The following ATP8B1 variants were observed in gnomAD, a reference collection of about 807,000 sequenced individuals.
The protein encoded by ATP8B1 is ATPase phospholipid transporting 8B1, also known as phospholipid-transporting ATPase IC.
In ATP8B1, 80 loss-of-function variants were observed where a neutral mutation model predicts 149.9. The observed-to-expected ratio is 0.53, with a 90% CI of 0.45 to 0.64. ATP8B1 has a LOEUF of 0.64. Among genes scored for constraint, ATP8B1 ranks in the 30% least tolerant of loss-of-function variants. The pLI is 0.00. For synonymous variants in ATP8B1, 536 were observed against 562.8 expected, an observed-to-expected ratio of 0.95 and a Z score of 0.67; for missense variants, 1,247 against 1,552.6, an observed-to-expected ratio of 0.80 and a Z score of 3.31.
intron 15 of ATP8B1, among the ~76,000 whole-genome samples, chr18:57,678,587 A>C (rs1599106472): frequency 1.4e-5 from 1 of 71,634 alleles, no homozygotes. Context: ...ATTCTATCTC[A>C]AAAAAAAAAA....
At chr18:57,665,468 C>A (rs1052963567) in intron 20 of ATP8B1, among the ~76,000 whole-genome samples, 7 of 152,010 alleles carry the variant, frequency 4.6e-5, no homozygotes, top group Non-Finnish European at 8.8e-5. Flanking sequence ...AAAAAATAAA[C>A]AAAGCCATAT....
At chr18:57,772,234 TGTGA>T (rs2080269790) in intron 1 of ATP8B1, among the ~76,000 whole-genome samples, 1 of 152,124 alleles carries the variant, frequency 6.6e-6, no homozygotes, top group South Asian at 2.1e-4. Context: ...TGACATTCAC[TGTGA>T]GTATTGCTAG....
intron 1 of ATP8B1, among the ~76,000 whole-genome samples, chr18:57,769,747 T>C (rs571447321): frequency 6.6e-6 from 1 of 152,236 alleles, no homozygotes; most frequent in African/African-American, 2.4e-5. Context: ...GCATCCCAAA[T>C]GCACAGCAAA....
At position 57,662,960 on chromosome 18, in the gene ATP8B1, C is replaced by T. The variant is rs182692535; in HGVS notation, c.2286-345G>A. On this transcript the variant is annotated intron_variant, in intron 20 of 27. Coordinates refer to ENST00000648908, the MANE Select transcript of ATP8B1 (RefSeq NM_001374385.1). The stretch of plus-strand genomic sequence containing the variant: ...GTAGCAATAGGGTTTTGCCATATCC[C>T]GGGCTTTGACCATTTTTAAGTGTAC... Among the ~76,000 whole-genome samples the T allele has an allele frequency of 4.5e-4, 69 of 152,126 alleles. 1 individual carries two copies. Among genetic ancestry groups the T allele is most frequent in the South Asian group, 4.2e-4 (2 of 4,810 alleles).
At chr18:57,652,339 C>T in intron 25 of ATP8B1, 145 bp downstream of exon 25, 1 of 1,454,302 alleles carries the variant, frequency 6.9e-7, no homozygotes, top group Non-Finnish European at 9.5e-7. Flanking sequence ...AGAAAATGTG[C>T]TTGGTATAAG....
Position 57,757,611 on chromosome 18 carries a change from C to T in ATP8B1, c.-25-25779G>A, listed in dbSNP as rs2080097267. On this transcript the variant is annotated intron_variant, in intron 1 of 27. Transcript: ENST00000648908. ...CAGTTCATACCTATTCTTCTGATTC[C>T]AATTGATTCCCACAATGTTCTTTTC... is the stretch of plus-strand genomic sequence containing the variant. Among the ~76,000 whole-genome samples the T allele has an allele frequency of 5.3e-5, 8 of 152,278 alleles. No homozygotes were observed. In the South Asian group the frequency reaches 1.7e-3, roughly 32 times the overall value.
chr18:57,764,757 CAAAAAAAAAAA>C (rs71171091), intron 1 of ATP8B1, among the ~76,000 whole-genome samples: 2 of 104,174 alleles, frequency 1.9e-5, no homozygotes, highest in Admixed American at 1.1e-4. Flanking sequence ...TTTCAGTTGT[CAAAAAAAAAAA>C]AAAAAAAAAA....
chr18:57,801,523 C>CA (rs1429958088), intron 1 of ATP8B1, among the ~76,000 whole-genome samples: 1 of 152,208 alleles, frequency 6.6e-6, no homozygotes, highest in Non-Finnish European at 1.5e-5. Context: ...AGGTCTAACA[C>CA]AAAAGTATTC....
At chr18:57,707,648 A>G (rs772423967) in intron 2 of ATP8B1, among the ~76,000 whole-genome samples, 3 of 151,448 alleles carry the variant, frequency 2.0e-5, no homozygotes, top group Non-Finnish European at 2.9e-5. Context: ...AGCTGGGATT[A>G]CAGGTGCCTG....
intron 1 of ATP8B1, among the ~76,000 whole-genome samples, chr18:57,751,865 C>T (rs2080023543): frequency 6.6e-6 from 1 of 152,034 alleles, no homozygotes; most frequent in African/African-American, 2.4e-5. Context: ...CCATTCTTTG[C>T]ATTATGGCTT....
At chr18:57,716,537 T>G (rs1568209208) in intron 2 of ATP8B1, among the ~76,000 whole-genome samples, 1 of 152,118 alleles carries the variant, frequency 6.6e-6, no homozygotes, top group Non-Finnish European at 1.5e-5. Context: ...AGGATACCTA[T>G]ATTTATATCA....
rs377363478 is a variant in ATP8B1, at chr18:57,780,470, G to C, written c.-26+22528C>G. ...GGAATTTCACAATTAAAACTATGGT[G>C]GGCTGGTTTCCAATTCAGGCAGCTG... On this transcript the variant is annotated intron_variant, in intron 1 of 27. Coordinates refer to ENST00000648908, the MANE Select transcript of ATP8B1 (RefSeq NM_001374385.1). Among the ~76,000 whole-genome samples the C allele has an allele frequency of 2.2e-3, 339 of 152,306 alleles. 3 individuals are homozygous for C. Among genetic ancestry groups the C allele is most frequent in the African/African-American group, 7.5e-3 (310 of 41,562 alleles).
intron 24 of ATP8B1, 69 bp downstream of exon 24, chr18:57,653,923 G>A (rs560803388): frequency 7.5e-5 from 104 of 1,395,552 alleles, no homozygotes; most frequent in Middle Eastern, 1.8e-4. Context: ...GCATTGAAAC[G>A]TTTGCTTGGG....
At chr18:57,786,848 A>G (rs2850244) in intron 1 of ATP8B1, among the ~76,000 whole-genome samples, 44,936 of 152,176 alleles carry the variant, frequency 0.3, 7,417 homozygotes, top group African/African-American at 0.42. Context: ...ACACAAAAAA[A>G]TGTTAAAGGG....
chr18:57,649,190 A>ATATCTATCTATCTATCTATC (rs71171056), intron 27 of ATP8B1, among the ~76,000 whole-genome samples: 25,783 of 148,018 alleles, frequency 0.17, 2,423 homozygotes, highest in South Asian at 0.19. Flanking sequence ...GTGCTTGGCT[A>ATATCTATCTATCTATCTATC]TATCTATCTA....
intron 2 of ATP8B1, among the ~76,000 whole-genome samples, chr18:57,710,002 T>C (rs372808407): frequency 7.7e-4 from 116 of 151,578 alleles, no homozygotes; most frequent in Non-Finnish European, 1.1e-3. Flanking sequence ...CTTTTCTTTT[T>C]TTTTTTTTTT....
Position 57,731,254 on chromosome 18 carries a change from C to T in ATP8B1, c.181+373G>A, listed in dbSNP as rs545362251. ...CCAGGAGGTCAAGGCTGCAGTGAGC[C>T]GAGTTCACACCACTGGACTCCAGCT... On this transcript the variant is annotated intron_variant, in intron 2 of 27. Transcript: ENST00000648908. Among the ~76,000 whole-genome samples, 20 of 142,774 alleles carry T rather than the reference C, an allele frequency of 1.4e-4. No homozygotes were observed. In the South Asian group the frequency reaches 3.6e-3, roughly 26 times the overall value. The allele number at this position is 142,774 out of a possible 152,430, so 93.7% of individuals were successfully genotyped here.
chr18:57,676,806 A>G (rs1213999105), intron 15 of ATP8B1, among the ~76,000 whole-genome samples: 1 of 152,062 alleles, frequency 6.6e-6, no homozygotes, highest in Non-Finnish European at 1.5e-5. Flanking sequence ...CTTAATGTTT[A>G]AAAGTTAAAT....
rs561032632 is a variant in ATP8B1, at chr18:57,708,621, AC to A, written c.182-2035del. 15 of 152,364 alleles carry A rather than the reference AC, an allele frequency of 9.8e-5. 1 individual carries two copies. In the East Asian group the frequency reaches 2.9e-3, roughly 29 times the overall value. 9.4% of individuals were successfully genotyped at this position (152,364 alleles called of 1,614,324 possible). On this transcript the variant is annotated intron_variant, in intron 2 of 27. Coordinates refer to ENST00000648908, the MANE Select transcript of ATP8B1 (RefSeq NM_001374385.1). ...TAGAACACTGTTCAGAACCACTGTT[AC>A]GCATTTCAGGAAGGCTGAGAAGAAA... is the stretch of plus-strand genomic sequence containing the variant.
Sources: gnomAD v4.1 joint callset for allele counts (sites outside exome capture counted in the v4.1 genomes callset) on GRCh38, gnomAD v4.1.1 for gene constraint, MANE v1.5 for transcripts, NCBI Gene and HGNC (gene_info 2026-07-23, HGNC 2026-07-21) for gene names.